Variants in STOX2 observed in about 807,000 individuals in gnomAD.
The protein encoded by STOX2 is storkhead box 2.
STOX2 carries 28 observed loss-of-function variants against 60.9 expected under a neutral mutation model. The ratio of observed to expected loss-of-function variants is 0.46; its 90% CI spans 0.34 to 0.63. STOX2 has a LOEUF of 0.63. Among genes scored for constraint, STOX2 ranks in the 30% least tolerant of loss-of-function variants. The pLI, the probability that STOX2 is intolerant of heterozygous loss-of-function variation, is 0.01. For missense variants in STOX2, 1,024 were observed against 1,187.7 expected (o/e 0.86, Z 2.03); for synonymous variants, 472 against 463.9 (o/e 1.02, Z -0.22).
chr4:183,897,900 A>G (rs1478500406), intron 1 of STOX2, among the ~76,000 whole-genome samples: 3 of 152,304 alleles, frequency 2.0e-5, no homozygotes, highest in South Asian at 4.1e-4. Context: ...ACATACAATC[A>G]TATTATTATG....
chr4:183,874,949 AAAAATATATATATATATATATATATAT>A (rs1740786525), intron 1 of STOX2, among the ~76,000 whole-genome samples: 1 of 67,776 alleles, frequency 1.5e-5, no homozygotes, highest in African/African-American at 5.8e-5. Flanking sequence ...AAAAAAAAAA[AAAAATATATATATATATATATATATAT>A]ATATATATAT....
chr4:183,955,402 C>G (rs75604532), intron 1 of STOX2, among the ~76,000 whole-genome samples: 2,482 of 152,248 alleles, frequency 0.016, 94 homozygotes, highest in East Asian at 0.093. Context: ...AACTTTTTCC[C>G]CAGTGCTCAT....
intron 1 of STOX2, among the ~76,000 whole-genome samples, chr4:183,858,495 G>C (rs140940709): frequency 6.6e-6 from 1 of 152,128 alleles, no homozygotes. Context: ...GCACTGTTTC[G>C]TATTTATAGA....
chr4:183,964,424 A>G (rs187116739), intron 1 of STOX2, among the ~76,000 whole-genome samples: 1 of 152,322 alleles, frequency 6.6e-6, no homozygotes, highest in Non-Finnish European at 1.5e-5. Context: ...CATGATGCCA[A>G]CAGCGCTGGG....
intron 1 of STOX2, among the ~76,000 whole-genome samples, chr4:183,847,480 C>T (rs923811192): frequency 2.0e-5 from 3 of 152,070 alleles, no homozygotes; most frequent in Admixed American, 6.6e-5. Flanking sequence ...TCTGAATTAG[C>T]AAAAATAATT....
intron 1 of STOX2, among the ~76,000 whole-genome samples, chr4:183,878,562 A>G (rs1406944854): frequency 3.3e-5 from 5 of 152,356 alleles, no homozygotes; most frequent in Admixed American, 6.5e-5. Context: ...CATACATGCA[A>G]TCTTGGTGTT....
intron 1 of STOX2, among the ~76,000 whole-genome samples, chr4:183,974,005 C>T (rs543377388): frequency 5.9e-5 from 9 of 152,062 alleles, no homozygotes; most frequent in East Asian, 5.8e-4. Flanking sequence ...AATATATACA[C>T]GTATAATAAT....
chr4:183,960,600 C>T lies in STOX2; in HGVS notation c.167-40725C>T, dbSNP rs140359853. On this transcript the variant is annotated intron_variant, in intron 1 of 3. Transcript: ENST00000308497. ...AATATCTATTGGTGGATAAATGATA[C>T]ATTAAAGTGCATTTACATTGGGTAA... is the stretch of plus-strand genomic sequence containing the variant. Among the ~76,000 whole-genome samples the T allele has an allele frequency of 3.8e-3, 580 of 152,254 alleles. 4 individuals carry two copies. The highest frequency in any genetic ancestry group is 0.013 in the African/African-American group (552 of 41,528).
intron 1 of STOX2, among the ~76,000 whole-genome samples, chr4:183,976,457 C>T (rs1254446771): frequency 6.7e-6 from 1 of 150,332 alleles, no homozygotes; most frequent in Non-Finnish European, 1.5e-5. Flanking sequence ...AAGCTCTCAA[C>T]AATCTATGTA....
At chr4:183,932,910 T>G (rs1183162483) in intron 1 of STOX2, among the ~76,000 whole-genome samples, 2 of 152,242 alleles carry the variant, frequency 1.3e-5, no homozygotes, top group Non-Finnish European at 2.9e-5. Flanking sequence ...TATAGCCTCT[T>G]GCAGAATACG....
rs1346444036 is a variant in STOX2 at position 183,958,241 on chromosome 4, G to T, written c.167-43084G>T. ...TGCTATGGGAGCTCTTTGTACTGGG[G>T]TGGCGTTGCCTCCTGAGCTTTTCAG... On this transcript the variant is annotated intron_variant, in intron 1 of 3. Coordinates refer to ENST00000308497, the MANE Select transcript of STOX2 (RefSeq NM_020225.3). Among the ~76,000 whole-genome samples, 2 of 152,190 alleles carry T rather than the reference G, an allele frequency of 1.3e-5. 1 individual carries two copies. Among genetic ancestry groups the T allele is most frequent in the East Asian group, 3.8e-4 (2 of 5,198 alleles).
chr4:183,947,868 G>T (rs559770450), intron 1 of STOX2, among the ~76,000 whole-genome samples: 2 of 152,196 alleles, frequency 1.3e-5, no homozygotes, highest in East Asian at 3.9e-4. Flanking sequence ...TTTGCTTGAT[G>T]CTGTGCTATC....
intron 1 of STOX2, among the ~76,000 whole-genome samples, chr4:183,944,541 C>T (rs1342199011): frequency 6.6e-6 from 1 of 152,120 alleles, no homozygotes; most frequent in Non-Finnish European, 1.5e-5. Context: ...TGCTGAAACC[C>T]CATCTTTACT....
chr4:183,904,101 A>G (rs1639038745), upstream of STOX2, among the ~76,000 whole-genome samples: 1 of 152,136 alleles, frequency 6.6e-6, no homozygotes, highest in Admixed American at 6.5e-5. Context: ...CCCTCCAAGC[A>G]TGGTTCACAA....
intron 1 of STOX2, among the ~76,000 whole-genome samples, chr4:183,976,693 C>T (rs544889683): frequency 2.0e-5 from 3 of 152,288 alleles, no homozygotes; most frequent in South Asian, 4.1e-4. Context: ...TGTGCATATA[C>T]CCCATATCTA....
At chr4:183,979,511 A>G (rs1261435254) in intron 1 of STOX2, among the ~76,000 whole-genome samples, 1 of 152,212 alleles carries the variant, frequency 6.6e-6, no homozygotes, top group Non-Finnish European at 1.5e-5. Flanking sequence ...ATTTTCTGAG[A>G]TGATGAAAAT....
At chr4:183,913,568 C>T (rs1221357589) in intron 1 of STOX2, among the ~76,000 whole-genome samples, 3 of 152,018 alleles carry the variant, frequency 2.0e-5, no homozygotes, top group African/African-American at 4.8e-5. Flanking sequence ...GCCAAGAGTT[C>T]GAGACCAGCC....
At position 183,850,896 on chromosome 4, in the gene STOX2, C is replaced by CGATGAGGGAAAG. The variant is rs70959150; in HGVS notation, c.364+52889_364+52900dup. 5.2e-3 allele frequency among the ~76,000 whole-genome samples: 234 copies of CGATGAGGGAAAG among 45,186 alleles called. 9 individuals are homozygous for CGATGAGGGAAAG. Among genetic ancestry groups the CGATGAGGGAAAG allele is most frequent in the African/African-American group, 0.019 (209 of 11,196 alleles). 29.6% of individuals were successfully genotyped at this position (45,186 alleles called of 152,430 possible). On this transcript the variant is annotated intron_variant, in intron 1 of 2. Coordinates refer to the STOX2 transcript ENST00000513034. Reference sequence around the variant, plus strand: ...AGGATGAGAGAAAGGATGAGAGAAACGATGAGGGAAAGGATGAGGGAAAGG... The same window carrying CGATGAGGGAAAG: ...AGGATGAGAGAAAGGATGAGAGAAACGATGAGGGAAAGGATGAGGGAAAGGATGAGGGAAAGG...
At chr4:183,964,585 G>A (rs1351335588) in intron 1 of STOX2, among the ~76,000 whole-genome samples, 3 of 152,180 alleles carry the variant, frequency 2.0e-5, no homozygotes, top group South Asian at 2.1e-4. Context: ...TTGGTGAGTC[G>A]TTTTTGTTTT....
Sources: allele counts gnomAD v4.1 joint callset (sites outside exome capture counted in the v4.1 genomes callset), GRCh38; gene constraint gnomAD v4.1.1; transcripts MANE v1.5; gene names NCBI Gene and HGNC (gene_info 2026-07-23, HGNC 2026-07-21).